The following RELL1 variants were observed in gnomAD, a reference collection of about 807,000 sequenced individuals.
RELL1 encodes the protein RELT-like protein 1.
RELL1 carries 10 observed loss-of-function variants against 23.0 expected under a neutral mutation model. The ratio of observed to expected loss-of-function variants is 0.43; its 90% CI spans 0.27 to 0.74. RELL1 has a LOEUF of 0.74. RELL1 is among the 30% of genes least tolerant of loss of function. RELL1 has a pLI of 0.19. For missense variants in RELL1, 315 were observed against 364.4 expected, an observed-to-expected ratio of 0.86 and a Z score of 1.10; for synonymous variants, 146 against 146.8, an observed-to-expected ratio of 0.99 and a Z score of 0.04.
downstream of RELL1, among the ~76,000 whole-genome samples, chr4:37,608,245 T>A (rs1157788459): frequency 6.6e-6 from 1 of 152,084 alleles, no homozygotes; most frequent in Non-Finnish European, 1.5e-5. Context: ...AAAGGAAGGG[T>A]CACATGCATC....
downstream of RELL1, among the ~76,000 whole-genome samples, chr4:37,587,264 C>G (rs530324761): frequency 7.2e-5 from 11 of 152,200 alleles, no homozygotes; most frequent in African/African-American, 2.6e-4. Context: ...GCAAATTGTA[C>G]CATCTGAAAA....
intron 4 of RELL1, among the ~76,000 whole-genome samples, chr4:37,635,989 A>T (rs1041343639): frequency 6.6e-6 from 1 of 152,262 alleles, no homozygotes; most frequent in Non-Finnish European, 1.5e-5. Context: ...GATAACAGTC[A>T]TAATTAAATA....
intron 4 of RELL1, 129 bp downstream of exon 4, chr4:37,638,318 C>T: frequency 2.7e-6 from 2 of 727,752 alleles, no homozygotes; most frequent in Non-Finnish European, 4.8e-6. Context: ...AAAGAACTAC[C>T]TGGTCCCAAA....
intron 6 of RELL1, among the ~76,000 whole-genome samples, chr4:37,601,112 T>C (rs1719004488): frequency 6.6e-6 from 1 of 152,226 alleles, no homozygotes; most frequent in Non-Finnish European, 1.5e-5. Context: ...AAAGTCATTC[T>C]TTCCAATAAG....
At chr4:37,595,100 C>G (rs144614973) in intron 6 of RELL1, among the ~76,000 whole-genome samples, 399 of 152,200 alleles carry the variant, frequency 2.6e-3, no homozygotes, top group African/African-American at 9.4e-3. Flanking sequence ...TTTTTAAATC[C>G]TCTATTTTGG....
Position 37,612,322 on chromosome 4 carries a change from T to TAAAAAAA in RELL1, c.*1017_*1023dup, listed in dbSNP as rs1553872212. On this transcript the variant is annotated 3_prime_UTR_variant, in exon 7 of 7. Coordinates refer to ENST00000454158, the MANE Select transcript of RELL1 (RefSeq NM_001085400.2). ...AACCAAGAATCGCTCAGCTAAAGGT[T>TAAAAAAA]AAAAAAAAAAAAAAAACAAAAAAAA... 3.2e-4 allele frequency among the ~76,000 whole-genome samples: 27 copies of TAAAAAAA among 83,460 alleles called. No individual in the cohort carries two copies. Among genetic ancestry groups the TAAAAAAA allele is most frequent in the African/African-American group, 1.4e-3 (25 of 17,504 alleles). The allele number at this position is 83,460 out of a possible 152,430, so 54.8% of individuals were successfully genotyped here. A position where few individuals can be genotyped will look rare whatever the true frequency, so the allele number is the denominator to read the frequency against.
At chr4:37,675,500 A>G (rs1462319277) in intron 1 of RELL1, among the ~76,000 whole-genome samples, 1 of 152,214 alleles carries the variant, frequency 6.6e-6, no homozygotes, top group Non-Finnish European at 1.5e-5. Flanking sequence ...TGATCAGGCA[A>G]TCAAATATTT....
intron 4 of RELL1, among the ~76,000 whole-genome samples, chr4:37,636,928 GTCT>G (rs1403101797): frequency 6.6e-6 from 1 of 152,212 alleles, no homozygotes; most frequent in Non-Finnish European, 1.5e-5. Flanking sequence ...TGAGCCAAAA[GTCT>G]TCTGGTGCTC....
At chr4:37,587,861 T>C (rs1718402806), downstream of RELL1, among the ~76,000 whole-genome samples, 2 of 151,790 alleles carry the variant, frequency 1.3e-5, no homozygotes, top group Admixed American at 1.3e-4. Context: ...CCCAGCTACT[T>C]GGGAGGCTGA....
intron 2 of RELL1, 118 bp from the exon 3 acceptor site, chr4:37,647,557 T>A (rs1720751724): frequency 1.5e-6 from 1 of 660,556 alleles, no homozygotes; most frequent in African/African-American, 1.8e-5. Context: ...AGATCACCCA[T>A]GGTGCTACAA....
chr4:37,619,322 A>G (rs138923148), intron 6 of RELL1, among the ~76,000 whole-genome samples: 2,713 of 152,150 alleles, frequency 0.018, 97 homozygotes, highest in African/African-American at 0.062. Context: ...AGCTGGGACT[A>G]CAGGCGTGCG....
Position 37,653,734 on chromosome 4 carries a change from T to G in RELL1, c.89-4234A>C, listed in dbSNP as rs549153578. Among the ~76,000 whole-genome samples, 8 of 152,332 alleles carry G rather than the reference T, an allele frequency of 5.3e-5. No homozygotes were observed. The East Asian group carries it at 1.5e-3, about 29-fold the overall frequency. On this transcript the variant is annotated intron_variant, in intron 1 of 6. Transcript: ENST00000454158. Reference sequence around the variant, plus strand: ...TGTTGGGAATGATGCATTATCACTTTCCAGCCTCAGGCAATAAGAAACTGA... The same window carrying G: ...TGTTGGGAATGATGCATTATCACTTGCCAGCCTCAGGCAATAAGAAACTGA...
Position 37,604,942 on chromosome 4 carries a change from CAT to C in RELL1, c.*4-13727_*4-13726del, listed in dbSNP as rs1257636204. The stretch of plus-strand genomic sequence containing the variant: ...ACAGACACACACACACAGACACACA[CAT>C]ACACACACAGAGACACACACATACA... On this transcript the variant is annotated intron_variant, in intron 6 of 6. Transcript: ENST00000314117. Among the ~76,000 whole-genome samples, 419 of 141,042 alleles carry C rather than the reference CAT, an allele frequency of 3.0e-3. 11 individuals are homozygous for C. Among genetic ancestry groups the C allele is most frequent in the Non-Finnish European group, 5.1e-3 (327 of 64,140 alleles). The allele number at this position is 141,042 out of a possible 152,430, so 92.5% of individuals were successfully genotyped here.
chr4:37,677,365 AG>A (rs1441490114), intron 1 of RELL1, among the ~76,000 whole-genome samples: 1 of 152,240 alleles, frequency 6.6e-6, no homozygotes, highest in African/African-American at 2.4e-5. Context: ...AAAAGCTTGG[AG>A]GACACAGTCA....
intron 4 of RELL1, among the ~76,000 whole-genome samples, chr4:37,638,208 C>T (rs918457511): frequency 2.6e-5 from 4 of 152,202 alleles, no homozygotes; most frequent in Non-Finnish European, 4.4e-5. Context: ...TGGGTTGTCA[C>T]ACCTTGGGAG....
chr4:37,639,374 ACT>A (rs1198164244), intron 3 of RELL1, among the ~76,000 whole-genome samples: 4 of 116,084 alleles, frequency 3.4e-5, no homozygotes, highest in Non-Finnish European at 6.7e-5. Flanking sequence ...ATGAAGCGAG[ACT>A]CTGTCTCAAA....
chr4:37,680,695 G>A (rs970920974), intron 1 of RELL1, among the ~76,000 whole-genome samples: 4 of 152,206 alleles, frequency 2.6e-5, no homozygotes, highest in East Asian at 1.9e-4. Context: ...TTGGGAGGCC[G>A]AGGCGGGCGG....
intron 1 of RELL1, among the ~76,000 whole-genome samples, chr4:37,650,200 G>A (rs1324510953): frequency 6.6e-6 from 1 of 152,208 alleles, no homozygotes; most frequent in Non-Finnish European, 1.5e-5. Flanking sequence ...GCGGAGATTT[G>A]TTGTCCTCAT....
Position 37,610,944 on chromosome 4 carries a change from C to T in RELL1, c.*2402G>A, listed in dbSNP as rs1029991319. ...TAGTTCAGTATAAACCAGTAAAAAG[C>T]GTATGTGTTGAAAATACTGAACGCT... On this transcript the variant is annotated 3_prime_UTR_variant, in exon 7 of 7. Coordinates refer to ENST00000454158, the MANE Select transcript of RELL1 (RefSeq NM_001085400.2). This position sits in a 1 kb window ranked among gnomAD's most constrained non-coding sequence, Gnocchi z 4.1. 3.9e-4 allele frequency among the ~76,000 whole-genome samples: 59 copies of T among 152,256 alleles called. 1 individual carries two copies. The highest frequency in any genetic ancestry group is 8.7e-4 in the African/African-American group (36 of 41,564).
Sources: gnomAD v4.1 joint callset for allele counts (sites outside exome capture counted in the v4.1 genomes callset) on GRCh38, gnomAD v4.1.1 for gene constraint, Gnocchi (gnomAD v3.1) non-coding constraint, MANE v1.5 for transcripts, NCBI Gene and HGNC (gene_info 2026-07-23, HGNC 2026-07-21) for gene names.